Variants in SMC4 observed in about 807,000 individuals in gnomAD.
SMC4 encodes structural maintenance of chromosomes 4.
SMC4 carries 87 observed loss-of-function variants against 145.6 expected under a neutral mutation model. The observed-to-expected ratio is 0.60, with a 90% CI of 0.50 to 0.71. The LOEUF (loss-of-function observed/expected upper bound fraction) is 0.71, where lower values mean the gene tolerates loss of function less well. Among genes scored for constraint, SMC4 ranks in the 30% least tolerant of loss-of-function variants. The pLI, the probability that SMC4 is intolerant of heterozygous loss-of-function variation, is 0.00. For missense variants in SMC4, 1,447 were observed against 1,537.1 expected, an observed-to-expected ratio of 0.94 and a Z score of 0.98; for synonymous variants, 558 against 500.7, an observed-to-expected ratio of 1.11 and a Z score of -1.53.
intron 8 of SMC4, chr3:160,413,914 G>A (rs2108470596): frequency 6.5e-6 from 2 of 305,650 alleles, no homozygotes; most frequent in African/African-American, 2.3e-5. Flanking sequence ...CTGATAGAGG[G>A]ATAGGATTTG....
At chr3:160,417,179 C>CT (rs1716676496) in intron 10 of SMC4, among the ~76,000 whole-genome samples, 1 of 152,118 alleles carries the variant, frequency 6.6e-6, no homozygotes, top group South Asian at 2.1e-4. Context: ...GTAGAGTCTG[C>CT]TTTGGCATAT....
In SMC4 at chr3:160,404,325, C is replaced by A; in HGVS notation, c.511-3C>A. On this transcript the variant is annotated splice_region_variant and splice_polypyrimidine_tract_variant and intron_variant, in intron 4 of 23. Transcript: ENST00000357388. ...TTTCTGGTTTTGTTTTTCCTCAAAA[C>A]AGGAAGGGGATGATTATGAAGTCAT... The A allele has an allele frequency of 6.3e-7, 1 of 1,594,414 alleles. No homozygotes were observed. Among genetic ancestry groups the A allele is most frequent in the South Asian group, 1.2e-5 (1 of 86,584 alleles).
rs1157248938 is a variant in SMC4, at chr3:160,432,333, AAG to A, written c.3352_3353del (p.Asp1118GlnfsTer3). ...VAELDKITYE[R>X]DSFRQAYEDL... is the part of the protein sequence containing the mutation. ...CAGAATTGGACAAAATTACTTATGA[AAG>A]AGACAGTTTTAGACAGGCATATGAA... On this transcript the variant is annotated frameshift_variant, in exon 22 of 24. Coordinates refer to ENST00000357388, the MANE Select transcript of SMC4 (RefSeq NM_001002800.3). LOFTEE classifies it high-confidence loss of function. 1 of 1,612,994 alleles carries A rather than the reference AAG, an allele frequency of 6.2e-7. No individual in the cohort carries two copies. Among genetic ancestry groups the A allele is most frequent in the Non-Finnish European group, 8.5e-7 (1 of 1,179,766 alleles).
At chr3:160,420,585 T>C (rs1015998207) in intron 12 of SMC4, 155 bp from the exon 13 acceptor site, 10 of 612,720 alleles carry the variant, frequency 1.6e-5, no homozygotes, top group African/African-American at 3.9e-5. Context: ...CATAAACTTA[T>C]ACATATTTTG....
At chr3:160,414,176 T>C (rs556841185) in intron 8 of SMC4, 191 bp from the exon 9 acceptor site, 738 of 604,140 alleles carry the variant, frequency 1.2e-3, no homozygotes, top group Admixed American at 2.7e-3. Flanking sequence ...GCAAAATAGC[T>C]GTCATAATCA....
chr3:160,407,305 C>T (rs1202214711), intron 5 of SMC4, among the ~76,000 whole-genome samples: 1 of 152,152 alleles, frequency 6.6e-6, no homozygotes, highest in Non-Finnish European at 1.5e-5. Flanking sequence ...ATAATCCCAG[C>T]ACTTTGGAAG....
At position 160,416,260 on chromosome 3, in the gene SMC4, T is replaced by C. The variant is rs747733875; in HGVS notation, c.1282T>C (p.Phe428Leu). ...TGTTTTATAATCTCAGGTTGAAGAA[T>C]TTAAAAGTATACCTGCCAAGAGTAA... is the stretch of plus-strand genomic sequence containing the variant. ...LQKDKEKVEE[F>L]KSIPAKSNNI... The change falls in exon 10 of 24, where the codon TTT (phenylalanine) becomes CTT (leucine). Residue 428 changes from phenylalanine (F) to leucine (L), a missense_variant. Phe to Leu is a conservative substitution (Grantham distance 22). Transcript: ENST00000357388. The C allele has an allele frequency of 5.0e-6, 8 of 1,587,026 alleles. No homozygotes were observed. In the Admixed American group the frequency reaches 9.3e-5, roughly 19 times the overall value.
intron 5 of SMC4, among the ~76,000 whole-genome samples, chr3:160,407,161 A>T (rs1226189239): frequency 1.3e-5 from 2 of 152,216 alleles, no homozygotes; most frequent in Admixed American, 1.3e-4. Context: ...ATATTTTTGT[A>T]AACTCCTCAA....
intron 18 of SMC4, 61 bp downstream of exon 18, chr3:160,429,003 G>A (rs1718089552): frequency 2.3e-6 from 3 of 1,318,308 alleles, no homozygotes; most frequent in Non-Finnish European, 3.1e-6. Flanking sequence ...TTGGAAAGGG[G>A]GTTACTATGT....
intron 1 of SMC4, chr3:160,399,965 T>G (rs1223001472): frequency 1.3e-5 from 2 of 151,832 alleles, no homozygotes; most frequent in Non-Finnish European, 2.9e-5. Flanking sequence ...TCCAAGCTAC[T>G]CAAATGTCTC....
intron 5 of SMC4, 65 bp downstream of exon 5, chr3:160,404,569 T>C (rs772521681): frequency 6.6e-7 from 1 of 1,509,986 alleles, no homozygotes; most frequent in South Asian, 1.1e-5. Flanking sequence ...TAAAGCTAGG[T>C]TGGATGAATC....
chr3:160,409,922 A>T (rs1248936140), intron 5 of SMC4, among the ~76,000 whole-genome samples: 6 of 152,056 alleles, frequency 3.9e-5, no homozygotes, highest in Non-Finnish European at 1.5e-5. Flanking sequence ...ATTTTTTTTT[A>T]AAGATTAGCT....
intron 8 of SMC4, chr3:160,413,910 G>A: frequency 3.3e-6 from 1 of 305,676 alleles, no homozygotes; most frequent in Non-Finnish European, 6.1e-6. Flanking sequence ...AAATCTGATA[G>A]AGGGATAGGA....
Position 160,401,923 on chromosome 3 carries a change from A to G in SMC4, c.148A>G (p.Ser50Gly), listed in dbSNP as rs555051191. 4 of 1,602,594 alleles carry G rather than the reference A, an allele frequency of 2.5e-6. No homozygotes were observed. Among genetic ancestry groups the G allele is most frequent in the East Asian group, 2.3e-5 (1 of 43,964 alleles). ...ESPATAAETA[S>G]EELDNRSLEE... ...TCCTTTCACTGACTTAGAGACTGCA[A>G]GTGAGGAACTTGATAATAGAAGTTT... The change falls in exon 3 of 24, where the codon AGT becomes GGT. Residue 50 changes from serine to glycine, a missense_variant. Transcript: ENST00000357388.
rs1714856384 is a variant in SMC4, at chr3:160,402,837, A to G, written c.480A>G (p.Val160=). The G allele has an allele frequency of 1.9e-6, 3 of 1,573,286 alleles. No individual in the cohort carries two copies. The South Asian group carries it at 3.6e-5, about 19-fold the overall frequency. ...ACAAGGACATTCAGAGTTGTACAGTAGAAGTTCATTTTCAAAAGATAATTG... is the reference window on the plus strand; with the variant it reads ...ACAAGGACATTCAGAGTTGTACAGTGGAAGTTCATTTTCAAAAGATAATTG... ...DEHKDIQSCT[V]EVHFQKIIDK... The change falls in exon 4 of 24, where the codon GTA becomes GTG. Residue 160 remains valine (V), a synonymous_variant. Coordinates refer to ENST00000357388, the MANE Select transcript of SMC4 (RefSeq NM_001002800.3).
At chr3:160,407,276 GGTGCATTA>G (rs1715438517) in intron 5 of SMC4, among the ~76,000 whole-genome samples, 2 of 152,226 alleles carry the variant, frequency 1.3e-5, no homozygotes, top group South Asian at 4.1e-4. Flanking sequence ...AACCAGGCTG[GGTGCATTA>G]GCTCACGCCT....
intron 21 of SMC4, 134 bp downstream of exon 21, chr3:160,431,959 TGGGA>T: frequency 1.1e-6 from 1 of 920,204 alleles, no homozygotes; most frequent in Non-Finnish European, 1.6e-6. Flanking sequence ...CCCAGCACTT[TGGGA>T]GGCCAAAGGC....
chr3:160,433,540 T>C (rs1718652591), intron 23 of SMC4, 117 bp from the exon 24 acceptor site: 1 of 633,666 alleles, frequency 1.6e-6, no homozygotes, highest in African/African-American at 1.9e-5. Flanking sequence ...ATTCCTGCCA[T>C]CATTCCTTTA....
intron 17 of SMC4, 131 bp from the exon 18 acceptor site, chr3:160,428,622 C>G (rs1242963138): frequency 1.3e-5 from 9 of 705,794 alleles, no homozygotes; most frequent in Non-Finnish European, 2.0e-5. Flanking sequence ...TTTTAAGGTG[C>G]TTTTTCCCAT....
Sources: gnomAD v4.1 joint callset for allele counts (sites outside exome capture counted in the v4.1 genomes callset) on GRCh38, gnomAD v4.1.1 for gene constraint, MANE v1.5 for transcripts, NCBI Gene and HGNC (gene_info 2026-07-23, HGNC 2026-07-21) for gene names.